The following SCAPER variants were observed in gnomAD, a reference collection of about 807,000 sequenced individuals.
SCAPER encodes S-phase cyclin A associated protein in the ER.
SCAPER carries 98 observed loss-of-function variants against 182.2 expected under a neutral mutation model. The observed-to-expected ratio is 0.54, with a 90% CI of 0.46 to 0.64. The LOEUF (loss-of-function observed/expected upper bound fraction) is 0.64. SCAPER is among the 30% of genes least tolerant of loss of function. The pLI, the probability that SCAPER is intolerant of heterozygous loss-of-function variation, is 0.00. For missense variants in SCAPER, 1,432 were observed against 1,690.0 expected (o/e 0.85, Z 2.68); for synonymous variants, 605 against 564.6 (o/e 1.07, Z -1.01).
intron 20 of SCAPER, among the ~76,000 whole-genome samples, chr15:76,692,914 T>G (rs771449275): frequency 1.3e-5 from 2 of 151,912 alleles, no homozygotes; most frequent in Non-Finnish European, 2.9e-5. Context: ...AGGATAATCA[T>G]GAAAAAAATG....
At chr15:76,615,496 C>CACAG (rs1366017678) in intron 22 of SCAPER, among the ~76,000 whole-genome samples, 75 of 23,286 alleles carry the variant, frequency 3.2e-3, no homozygotes, top group East Asian at 0.028. Context: ...CACACAGACA[C>CACAG]ACACACACAC....
chr15:76,830,709 A>C (rs2151709884), intron 5 of SCAPER, among the ~76,000 whole-genome samples: 1 of 152,044 alleles, frequency 6.6e-6, no homozygotes, highest in Admixed American at 6.5e-5. Context: ...ACTTTGTTTT[A>C]CCGGTTTAAA....
chr15:76,475,337 T>C (rs113511251), intron 24 of SCAPER, among the ~76,000 whole-genome samples: 2,728 of 151,970 alleles, frequency 0.018, 46 homozygotes, highest in Middle Eastern at 0.031. Flanking sequence ...CCTTTAATTT[T>C]TTTTTTTAAG....
intron 25 of SCAPER, among the ~76,000 whole-genome samples, chr15:76,462,808 A>G (rs1259925338): frequency 6.6e-6 from 1 of 152,184 alleles, no homozygotes; most frequent in Admixed American, 6.5e-5. Context: ...AAAGCTCTAT[A>G]CACACAACAT....
chr15:76,537,670 T>C (rs2044303391), intron 23 of SCAPER, among the ~76,000 whole-genome samples: 1 of 151,968 alleles, frequency 6.6e-6, no homozygotes, highest in Non-Finnish European at 1.5e-5. Flanking sequence ...AAGGACTTCA[T>C]GTCTAAAACA....
At chr15:76,759,461 C>T (rs1385437279) in intron 14 of SCAPER, among the ~76,000 whole-genome samples, 2 of 152,112 alleles carry the variant, frequency 1.3e-5, no homozygotes, top group East Asian at 3.9e-4. Flanking sequence ...AATAAGAACC[C>T]ACTTCCACAA....
At chr15:76,675,330 A>C (rs987814250) in intron 20 of SCAPER, among the ~76,000 whole-genome samples, 1 of 152,250 alleles carries the variant, frequency 6.6e-6, no homozygotes, top group African/African-American at 2.4e-5. Context: ...TTTGTGCACT[A>C]TTCAAGTGCT....
At chr15:76,688,368 TC>T (rs2058150779) in intron 20 of SCAPER, among the ~76,000 whole-genome samples, 2 of 152,232 alleles carry the variant, frequency 1.3e-5, no homozygotes, top group Admixed American at 1.3e-4. Flanking sequence ...GCAAAAATTT[TC>T]TCCCATTCTG....
chr15:76,694,888 A>G (rs540550205), intron 20 of SCAPER, among the ~76,000 whole-genome samples: 60 of 152,262 alleles, frequency 3.9e-4, no homozygotes, highest in African/African-American at 1.3e-3. Flanking sequence ...GAATAAATTG[A>G]AAAAAGCAAT....
chr15:76,821,832 C>T (rs1030319698), intron 5 of SCAPER, among the ~76,000 whole-genome samples: 4 of 151,882 alleles, frequency 2.6e-5, no homozygotes, highest in Non-Finnish European at 4.4e-5. Flanking sequence ...TTTCTTGAAC[C>T]CAGGAATTTG....
Position 76,771,791 on chromosome 15 carries a change from G to A in SCAPER, c.1199C>T (p.Ala400Val). 1 of 1,613,056 alleles carries A rather than the reference G, an allele frequency of 6.2e-7. No homozygotes were observed. Among genetic ancestry groups the A allele is most frequent in the Non-Finnish European group, 8.5e-7 (1 of 1,179,440 alleles). ...PLQVNEEKFP[A>V]EKARIENEMD... The stretch of plus-strand genomic sequence containing the variant: ...TTCATTTTCTATCCTTGCTTTCTCT[G>A]CTGGAAATTTTTCTTCATTTACTTG... Residue 400 changes from alanine (A) to valine (V), a missense_variant, in exon 10 of 32, where the codon GCA becomes GTA. This residue lies in a region of SCAPER where 480 missense variants were observed against 510.2 expected (regional missense o/e 0.94). Transcript: ENST00000563290.
intron 18 of SCAPER, among the ~76,000 whole-genome samples, chr15:76,703,684 C>G (rs923086119): frequency 6.6e-6 from 1 of 152,162 alleles, no homozygotes; most frequent in Non-Finnish European, 1.5e-5. Context: ...TCTGACACTC[C>G]TCATATTAGA....
intron 23 of SCAPER, 54 bp from the exon 24 acceptor site, chr15:76,505,028 A>T: frequency 8.1e-7 from 1 of 1,241,360 alleles, no homozygotes; most frequent in South Asian, 1.3e-5. Flanking sequence ...TTAAACTATA[A>T]CCAAATGATA....
intron 22 of SCAPER, among the ~76,000 whole-genome samples, chr15:76,579,102 T>G (rs993095460): frequency 1.3e-5 from 2 of 151,098 alleles, no homozygotes; most frequent in Non-Finnish European, 3.0e-5. Flanking sequence ...CTGCCTTGAC[T>G]AAAAATACAA....
intron 8 of SCAPER, among the ~76,000 whole-genome samples, chr15:76,794,876 AAC>A (rs2065221527): frequency 6.6e-6 from 1 of 152,224 alleles, no homozygotes; most frequent in Non-Finnish European, 1.5e-5. Flanking sequence ...AGCAAAGATA[AAC>A]ACAGAATATT....
At chr15:76,881,986 T>C (rs918693603) in intron 2 of SCAPER, among the ~76,000 whole-genome samples, 1 of 152,232 alleles carries the variant, frequency 6.6e-6, no homozygotes, top group Non-Finnish European at 1.5e-5. Flanking sequence ...TTTTATAGTT[T>C]GAATTTTGAA....
chr15:76,901,773 G>A (rs887794111), intron 1 of SCAPER, among the ~76,000 whole-genome samples: 4 of 151,072 alleles, frequency 2.6e-5, no homozygotes, highest in African/African-American at 7.3e-5. Flanking sequence ...AGGCTGCAGT[G>A]CAGTGGCACG....
At chr15:76,899,393 G>A (rs1158965324) in intron 1 of SCAPER, among the ~76,000 whole-genome samples, 1 of 152,224 alleles carries the variant, frequency 6.6e-6, no homozygotes, top group Non-Finnish European at 1.5e-5. Flanking sequence ...CCAGCTCCTG[G>A]CCTCGGATGA....
At chr15:76,724,954 T>G (rs1449996870) in intron 17 of SCAPER, among the ~76,000 whole-genome samples, 1 of 152,162 alleles carries the variant, frequency 6.6e-6, no homozygotes, top group Non-Finnish European at 1.5e-5. Context: ...TCCAGCTTTG[T>G]TCTGTTGCTG....
Sources: allele counts gnomAD v4.1 joint callset (sites outside exome capture counted in the v4.1 genomes callset), GRCh38; gene constraint gnomAD v4.1.1; regional missense constraint gnomAD v4.1.1; transcripts MANE v1.5; gene names NCBI Gene and HGNC (gene_info 2026-07-23, HGNC 2026-07-21).